Variants in OSBPL10 observed in about 807,000 individuals in gnomAD.
OSBPL10 encodes the protein oxysterol binding protein like 10, also known as oxysterol-binding protein-related protein 10.
OSBPL10 carries 49 observed loss-of-function variants against 81.7 expected under a neutral mutation model. The observed-to-expected ratio is 0.60, with a 90% CI of 0.48 to 0.76. The LOEUF is 0.76. Ranked by LOEUF, OSBPL10 falls within the 30% of genes least tolerant of loss-of-function variation. The pLI is 0.00. For synonymous variants in OSBPL10, 419 were observed against 383.6 expected, an observed-to-expected ratio of 1.09 and a Z score of -1.08; for missense variants, 923 against 987.8, an observed-to-expected ratio of 0.93 and a Z score of 0.88.
chr3:31,944,460 A>T (rs531008932), intron 1 of OSBPL10, among the ~76,000 whole-genome samples: 3 of 152,370 alleles, frequency 2.0e-5, no homozygotes, highest in Non-Finnish European at 4.4e-5. Context: ...TCAAGTTTTC[A>T]AATGGCAATC....
chr3:31,783,114 TATATATA>T (rs1698743057), intron 4 of OSBPL10, among the ~76,000 whole-genome samples: 19 of 20,218 alleles, frequency 9.4e-4, no homozygotes, highest in African/African-American at 2.6e-3. Context: ...ATATCTATTA[TATATATA>T]TATATATATA....
chr3:31,830,886 T>C (rs1416517024), intron 3 of OSBPL10, among the ~76,000 whole-genome samples: 1 of 152,196 alleles, frequency 6.6e-6, no homozygotes, highest in Non-Finnish European at 1.5e-5. Context: ...CCTGTGGTAA[T>C]ATATAATCCA....
At chr3:32,025,518 T>C (rs1699395148) in intron 2 of OSBPL10, among the ~76,000 whole-genome samples, 1 of 152,162 alleles carries the variant, frequency 6.6e-6, no homozygotes, top group Non-Finnish European at 1.5e-5. Flanking sequence ...CTGCCCTCAT[T>C]GAATGAGCTG....
chr3:31,937,936 C>G (rs1448715120), intron 1 of OSBPL10, among the ~76,000 whole-genome samples: 1 of 152,168 alleles, frequency 6.6e-6, no homozygotes. Flanking sequence ...TTAGAATCCA[C>G]CAAGCACACT....
At chr3:31,987,655 C>A (rs141387959) in intron 2 of OSBPL10, among the ~76,000 whole-genome samples, 205 of 152,312 alleles carry the variant, frequency 1.3e-3, no homozygotes, top group African/African-American at 4.7e-3. Context: ...AGCAGGCCAG[C>A]CCAGGCTTGT....
chr3:31,876,073 C>G (rs945636997), intron 3 of OSBPL10, among the ~76,000 whole-genome samples: 1 of 151,990 alleles, frequency 6.6e-6, no homozygotes, highest in Non-Finnish European at 1.5e-5. Context: ...ATTTAAGGAT[C>G]GGTGATGGCT....
chr3:31,809,780 C>T (rs539524420), intron 4 of OSBPL10, among the ~76,000 whole-genome samples: 6 of 151,530 alleles, frequency 4.0e-5, no homozygotes, highest in East Asian at 3.9e-4. Context: ...GTAGCACTGC[C>T]GTATCAGTGG....
At chr3:31,827,024 T>G (rs1412597479) in intron 4 of OSBPL10, among the ~76,000 whole-genome samples, 1 of 152,170 alleles carries the variant, frequency 6.6e-6, no homozygotes. Context: ...AGAAATATAC[T>G]GTCACCCAAG....
intron 6 of OSBPL10, among the ~76,000 whole-genome samples, chr3:31,717,468 A>C (rs1163247457): frequency 2.6e-5 from 4 of 152,250 alleles, no homozygotes; most frequent in Non-Finnish European, 4.4e-5. Context: ...AGAAGAAAGC[A>C]TCTGGCAGAA....
chr3:31,743,035 T>G (rs866334759), intron 5 of OSBPL10, among the ~76,000 whole-genome samples: 54 of 59,818 alleles, frequency 9.0e-4, no homozygotes, highest in Middle Eastern at 0.016. Flanking sequence ...AAATTAGTTT[T>G]TTTTTTTTTT....
chr3:31,988,984 A>G, intron 2 of OSBPL10: 4 of 1,513,238 alleles, frequency 2.6e-6, no homozygotes, highest in African/African-American at 1.4e-5. Context: ...GAAGTTTGTG[A>G]TAATTTGTTT....
chr3:31,830,728 A>G (rs1227014627), intron 3 of OSBPL10, among the ~76,000 whole-genome samples: 1 of 152,198 alleles, frequency 6.6e-6, no homozygotes, highest in African/African-American at 2.4e-5. Flanking sequence ...CTTTCTTAAG[A>G]GATGCTTTCA....
At chr3:31,990,038 A>G (rs1352648788) in intron 2 of OSBPL10, 1 of 1,614,018 alleles carries the variant, frequency 6.2e-7, no homozygotes, top group Non-Finnish European at 8.5e-7. Context: ...GAAGAATGTG[A>G]CAAAGTTTTT....
intron 10 of OSBPL10, among the ~76,000 whole-genome samples, chr3:31,665,311 T>C (rs1259843259): frequency 6.6e-6 from 1 of 152,194 alleles, no homozygotes; most frequent in Non-Finnish European, 1.5e-5. Context: ...CAAGGAACTG[T>C]CCGAATGCCA....
Position 31,726,708 on chromosome 3 carries a change from A to G in OSBPL10, c.1095+6549T>C, listed in dbSNP as rs896466360. Among the ~76,000 whole-genome samples the G allele has an allele frequency of 5.3e-5, 8 of 151,706 alleles. 2 individuals are homozygous for G. Among genetic ancestry groups the G allele is most frequent in the Admixed American group, 2.0e-4 (3 of 15,288 alleles). On this transcript the variant is annotated intron_variant, in intron 6 of 11. Coordinates refer to ENST00000396556, the MANE Select transcript of OSBPL10 (RefSeq NM_017784.5). ...GGACTACAGCTATGATGCTGCCACA[A>G]TGAAGTGACAAGCATAAGGATAAAC...
chr3:31,990,164 G>T lies in OSBPL10; in HGVS notation n.298+56327C>A. ...GATTCACACCTCACACAACACACTA[G>T]AATTCACACTGGAGAGAAACCTTAC... On this transcript the variant is annotated intron_variant and non_coding_transcript_variant, in intron 2 of 3. Transcript: ENST00000479173. 2 of 1,611,820 alleles carry T rather than the reference G, an allele frequency of 1.2e-6. No individual in the cohort carries two copies. Among genetic ancestry groups the T allele is most frequent in the Non-Finnish European group, 1.7e-6 (2 of 1,178,696 alleles).
chr3:31,786,186 T>C (rs1303786720), intron 4 of OSBPL10, among the ~76,000 whole-genome samples: 1 of 152,196 alleles, frequency 6.6e-6, no homozygotes, highest in Non-Finnish European at 1.5e-5. Context: ...GAGACCCTTA[T>C]AGAACGGGGA....
Position 31,732,227 on chromosome 3 carries a change from C to A in OSBPL10, c.1095+1030G>T, listed in dbSNP as rs187813640. Among the ~76,000 whole-genome samples, 4 of 152,332 alleles carry A rather than the reference C, an allele frequency of 2.6e-5. No homozygotes were observed. In the East Asian group the frequency reaches 5.8e-4, roughly 22 times the overall value. On this transcript the variant is annotated intron_variant, in intron 6 of 11. Coordinates refer to ENST00000396556, the MANE Select transcript of OSBPL10 (RefSeq NM_017784.5). The stretch of plus-strand genomic sequence containing the variant: ...AAATCCACAGCCACTATTCACTTCA[C>A]ACCCTTCTAACACCCCTTAAAGATG...
chr3:31,713,359 C>T (rs1696328353), intron 6 of OSBPL10, among the ~76,000 whole-genome samples: 1 of 151,510 alleles, frequency 6.6e-6, no homozygotes, highest in African/African-American at 2.4e-5. Context: ...TCCATATCCC[C>T]CTCACTTCAC....
Sources: allele counts gnomAD v4.1 joint callset (sites outside exome capture counted in the v4.1 genomes callset), GRCh38; gene constraint gnomAD v4.1.1; transcripts MANE v1.5; gene names NCBI Gene and HGNC (gene_info 2026-07-23, HGNC 2026-07-21).